Variants in ARHGAP23 observed in about 807,000 individuals in gnomAD.
The protein encoded by ARHGAP23 is rho GTPase-activating protein 23.
ARHGAP23 carries 34 observed loss-of-function variants against 136.3 expected under a neutral mutation model. That is an observed-to-expected ratio of 0.25 (90% CI 0.19 to 0.33). The LOEUF (loss-of-function observed/expected upper bound fraction) is 0.33. ARHGAP23 is among the 10% of genes least tolerant of loss of function. The pLI is 1.00. For missense variants in ARHGAP23, 1,808 were observed against 2,139.0 expected, an observed-to-expected ratio of 0.85 and a Z score of 3.05; for synonymous variants, 832 against 920.5, an observed-to-expected ratio of 0.90 and a Z score of 1.74.
chr17:38,467,114 C>G lies in ARHGAP23; in HGVS notation c.1431C>G (p.Ala477=). ...RVVRPEPSTR[A]LEPPAEDRGD... ...TACGGCCGGAACCCAGCACCCGGGCCCTGGAGCCTCCTGCGGAGGATCGCG... is the reference window on the plus strand; with the variant it reads ...TACGGCCGGAACCCAGCACCCGGGCGCTGGAGCCTCCTGCGGAGGATCGCG... The change falls in exon 7 of 24, where the codon GCC becomes GCG. Residue 477 remains alanine, a synonymous_variant. Coordinates refer to ENST00000622683, the MANE Select transcript of ARHGAP23 (RefSeq NM_001199417.2). 1 of 1,550,330 alleles carries G rather than the reference C, an allele frequency of 6.5e-7. No homozygotes were observed. The highest frequency in any genetic ancestry group is 8.7e-7 in the Non-Finnish European group (1 of 1,146,704).
At chr17:38,453,024 A>G (rs2144582987) in intron 1 of ARHGAP23, among the ~76,000 whole-genome samples, 1 of 152,082 alleles carries the variant, frequency 6.6e-6, no homozygotes, top group East Asian at 1.9e-4. Flanking sequence ...GTAGCACTCG[A>G]GGGGCTGTGG....
rs370533462 is a variant in ARHGAP23 at position 38,467,293 on chromosome 17, C to T, written c.1610C>T (p.Ala537Val). ...ERLGRKVAPL[A>V]TTEDSLASIP... ...CTGGGCAGGAAGGTGGCCCCTTTGG[C>T]CACCACCGAAGACTCTCTGGCTTCC... Residue 537 changes from alanine to valine, a missense_variant, in exon 7 of 24, where the codon GCC (alanine) becomes GTC (valine). By Grantham distance (64) the Ala-to-Val change is moderately conservative. This residue lies in a region of ARHGAP23 where 859 missense variants were observed against 936.4 expected (regional missense o/e 0.92). Coordinates refer to ENST00000622683, the MANE Select transcript of ARHGAP23 (RefSeq NM_001199417.2). 36 of 1,523,720 alleles carry T rather than the reference C, an allele frequency of 2.4e-5. No individual in the cohort carries two copies. The East Asian group carries it at 7.6e-4, about 32-fold the overall frequency. The allele number at this position is 1,523,720 out of a possible 1,614,324, so 94.4% of individuals were successfully genotyped here.
At chr17:38,480,404 T>C (rs956163356) in intron 14 of ARHGAP23, among the ~76,000 whole-genome samples, 230 of 151,906 alleles carry the variant, frequency 1.5e-3, no homozygotes, top group African/African-American at 5.2e-3. Context: ...GAGGCCGAGG[T>C]GGGCGGATCA....
In ARHGAP23 at chr17:38,479,452, A is replaced by G. The variant is rs1231375451; in HGVS notation, c.2453A>G (p.Asn818Ser). The G allele has an allele frequency of 6.5e-7, 1 of 1,548,448 alleles. No individual in the cohort carries two copies. The highest frequency in any genetic ancestry group is 8.7e-7 in the Non-Finnish European group (1 of 1,145,780). The change falls in exon 13 of 24, where the codon AAC becomes AGC. Residue 818 changes from asparagine (N) to serine (S), a missense_variant. Physicochemically the swap from Asn to Ser is conservative, Grantham distance 46. Coordinates refer to ENST00000622683, the MANE Select transcript of ARHGAP23 (RefSeq NM_001199417.2). ...CTGCTTCAGGACCCCGGCTGTGCCA[A>G]CCAAGCTCTGATCAGCAAGAAGCTT... is the stretch of plus-strand genomic sequence containing the variant. ...RAEGEDPGCANQALISKKLND... is the reference protein window; with the variant it reads ...RAEGEDPGCASQALISKKLND...
chr17:38,479,816 G>A lies in ARHGAP23; in HGVS notation c.2562G>A (p.Lys854=). ...GCTCTCGCGGCCTGGGGGGCCTCAA[G>A]TCTGAGTTCCTCAAGCAGAGTGCGG... ...PKGSRGLGGL[K]SEFLKQSAAR... Residue 854 remains lysine (K), a synonymous_variant, in exon 14 of 24, where the codon AAG becomes AAA. Coordinates refer to ENST00000622683, the MANE Select transcript of ARHGAP23 (RefSeq NM_001199417.2). The A allele has an allele frequency of 6.5e-7, 1 of 1,535,934 alleles. No individual in the cohort carries two copies. The highest frequency in any genetic ancestry group is 1.4e-5 in the African/African-American group (1 of 72,380).
chr17:38,438,049 A>G (rs922469653), intron 1 of ARHGAP23, among the ~76,000 whole-genome samples: 5 of 152,180 alleles, frequency 3.3e-5, no homozygotes, highest in South Asian at 2.1e-4. Context: ...AGGGCCAGGC[A>G]CGGTGGCTCA....
At chr17:38,499,478 C>G (rs1472829133) in intron 22 of ARHGAP23, among the ~76,000 whole-genome samples, 9 of 152,192 alleles carry the variant, frequency 5.9e-5, no homozygotes, top group Non-Finnish European at 1.2e-4. Context: ...GGGCCACTCC[C>G]TTTGTGGCTG....
chr17:38,448,379 A>G (rs1003079245), intron 1 of ARHGAP23, among the ~76,000 whole-genome samples: 1 of 152,140 alleles, frequency 6.6e-6, no homozygotes, highest in Non-Finnish European at 1.5e-5. Flanking sequence ...AACAGCCTGC[A>G]TTTATTAAAT....
At chr17:38,447,428 A>G (rs902352842) in intron 1 of ARHGAP23, among the ~76,000 whole-genome samples, 7 of 124,416 alleles carry the variant, frequency 5.6e-5, no homozygotes, top group African/African-American at 2.4e-4. Flanking sequence ...GGCAACAGAG[A>G]CTCCGTCTGA....
rs532992001 is a variant in ARHGAP23 at position 38,508,435 on chromosome 17, G to A, written c.3448-1509G>A. 6.6e-4 allele frequency among the ~76,000 whole-genome samples: 100 copies of A among 152,332 alleles called. 1 individual carries two copies. Among genetic ancestry groups the A allele is most frequent in the Non-Finnish European group, 7.9e-4 (54 of 68,030 alleles). On this transcript the variant is annotated intron_variant, in intron 23 of 23. Transcript: ENST00000622683. ...AGGGCAGAGCAGGGCAGTAGGCTGG[G>A]AAAGTTGGGGCTGGGTTATGAAGAG...
chr17:38,460,244 ACT>A (rs1029174233), intron 2 of ARHGAP23, among the ~76,000 whole-genome samples: 1 of 151,218 alleles, frequency 6.6e-6, no homozygotes, highest in Admixed American at 6.6e-5. Flanking sequence ...CTCTCCCCTA[ACT>A]CTCATTTTCA....
rs138725795 is a variant in ARHGAP23, at chr17:38,505,971, C to G, written c.3448-3973C>G. The stretch of plus-strand genomic sequence containing the variant: ...AAAGTTATGCACTCTTGCTCCAGAA[C>G]GACACCTATCTACACAAATCCTGTG... On this transcript the variant is annotated intron_variant, in intron 23 of 23. Transcript: ENST00000622683. 2.7e-4 allele frequency among the ~76,000 whole-genome samples: 41 copies of G among 152,214 alleles called. 1 individual carries two copies. The East Asian group carries it at 7.9e-3, about 29-fold the overall frequency.
chr17:38,433,837 G>A (rs1168105370), intron 1 of ARHGAP23, among the ~76,000 whole-genome samples: 1 of 152,180 alleles, frequency 6.6e-6, no homozygotes, highest in Non-Finnish European at 1.5e-5. Context: ...TTGTATTCTA[G>A]GCCCAGGAAG....
Position 38,458,229 on chromosome 17 carries a change from A to G in ARHGAP23, c.191A>G (p.Tyr64Cys), listed in dbSNP as rs1232765815. 2.0e-6 allele frequency: 3 copies of G among 1,534,532 alleles called. No homozygotes were observed. The highest frequency in any genetic ancestry group is 2.0e-5 in the Admixed American group (1 of 50,862). Residue 64 changes from tyrosine (Y) to cysteine (C), a missense_variant, in exon 2 of 24, where the codon TAC becomes TGC. This residue lies in a region of ARHGAP23 where 859 missense variants were observed against 936.4 expected (regional missense o/e 0.92). Transcript: ENST00000622683. ...TTCACTCTGCGCCACTTCATCGTGT[A>G]CCCACCCGAGTCGGCCGTGCACTGC... ...FGFTLRHFIVYPPESAVHCSL... is the reference protein window; with the variant it reads ...FGFTLRHFIVCPPESAVHCSL...
chr17:38,471,518 GT>G (rs1294226407), intron 10 of ARHGAP23, among the ~76,000 whole-genome samples: 1 of 152,102 alleles, frequency 6.6e-6, no homozygotes, highest in African/African-American at 2.4e-5. Flanking sequence ...CACTTCCCCT[GT>G]TTATTTAACT....
At chr17:38,509,827 C>A (rs1183520581) in intron 23 of ARHGAP23, 117 bp from the exon 24 acceptor site, 1 of 801,116 alleles carries the variant, frequency 1.2e-6, no homozygotes. Flanking sequence ...TGGGTGCTGG[C>A]CTTGGCTGGG....
At chr17:38,441,937 C>A (rs1452793687) in intron 1 of ARHGAP23, among the ~76,000 whole-genome samples, 1 of 151,976 alleles carries the variant, frequency 6.6e-6, no homozygotes. Context: ...CAGCTCCCCC[C>A]TTTTTCCCCA....
chr17:38,469,014 T>G, intron 7 of ARHGAP23, 130 bp from the exon 8 acceptor site: 1 of 959,562 alleles, frequency 1.0e-6, no homozygotes, highest in Non-Finnish European at 1.5e-6. Context: ...AGTGGGCATG[T>G]TGCCAGCAGG....
intron 6 of ARHGAP23, among the ~76,000 whole-genome samples, chr17:38,463,750 G>C (rs115715471): frequency 6.6e-6 from 1 of 152,026 alleles, no homozygotes; most frequent in East Asian, 1.9e-4. Context: ...CACAGGCACC[G>C]AGCACACATC....
Sources: allele counts gnomAD v4.1 joint callset (sites outside exome capture counted in the v4.1 genomes callset), GRCh38; gene constraint gnomAD v4.1.1; regional missense constraint gnomAD v4.1.1; transcripts MANE v1.5; gene names NCBI Gene and HGNC (gene_info 2026-07-23, HGNC 2026-07-21).